Variants in NYAP2 observed in about 807,000 individuals in gnomAD.
NYAP2 encodes neuronal tyrosine-phosphorylated phosphoinositide-3-kinase adaptor 2, also known as neuronal tyrosine-phosphorylated phosphoinositide-3-kinase adapter 2.
A neutral mutation model predicts 50.4 loss-of-function variants in NYAP2; 23 were observed. That is an observed-to-expected ratio of 0.46 (90% confidence interval 0.33 to 0.65). NYAP2 has a LOEUF of 0.65. NYAP2 is among the 30% of genes least tolerant of loss of function. The pLI is 0.02. For synonymous variants in NYAP2, 394 were observed against 365.2 expected, an observed-to-expected ratio of 1.08 and a Z score of -0.90; for missense variants, 885 against 861.0, an observed-to-expected ratio of 1.03 and a Z score of -0.35.
chr2:225,538,611 G>A (rs972011533), intron 4 of NYAP2, among the ~76,000 whole-genome samples: 1 of 152,174 alleles, frequency 6.6e-6, no homozygotes, highest in African/African-American at 2.4e-5. Flanking sequence ...AGGCCTCTAG[G>A]CTTGTAATGG....
intron 5 of NYAP2, among the ~76,000 whole-genome samples, chr2:225,586,203 T>G (rs1396955440): frequency 6.6e-6 from 1 of 152,204 alleles, no homozygotes; most frequent in Non-Finnish European, 1.5e-5. Flanking sequence ...ATCTGTAAAA[T>G]GCACACCAAA....
At chr2:225,581,353 C>T (rs1230950348) in intron 4 of NYAP2, among the ~76,000 whole-genome samples, 1 of 152,218 alleles carries the variant, frequency 6.6e-6, no homozygotes, top group Non-Finnish European at 1.5e-5. Flanking sequence ...TGTCTAGCCT[C>T]ATAAGATTTT....
chr2:225,521,956 G>GT (rs1165726754), intron 4 of NYAP2, among the ~76,000 whole-genome samples: 2 of 152,122 alleles, frequency 1.3e-5, no homozygotes, highest in African/African-American at 2.4e-5. Flanking sequence ...TTCAGAGCCT[G>GT]TTATTGGTCT....
chr2:225,452,213 CT>C (rs1689665003), intron 3 of NYAP2, among the ~76,000 whole-genome samples: 1 of 152,300 alleles, frequency 6.6e-6, no homozygotes, highest in East Asian at 1.9e-4. Flanking sequence ...AGTCCTTTAA[CT>C]TCTTCATATC....
rs772438916 is a variant in NYAP2, at chr2:225,582,109, T to C, written c.692T>C (p.Met231Thr). 9.4e-5 allele frequency: 152 copies of C among 1,613,876 alleles called. No homozygotes were observed. Among genetic ancestry groups the C allele is most frequent in the Non-Finnish European group, 1.2e-4 (139 of 1,179,872 alleles). Residue 231 changes from methionine to threonine, a missense_variant, in exon 5 of 7, where the codon ATG becomes ACG. By Grantham distance (81) the Met-to-Thr change is moderately conservative. Transcript: ENST00000636099. This position sits in a 1 kb window ranked among gnomAD's most constrained non-coding sequence, Gnocchi z 7.0. ...CCGCGGGACTCCTCCTTGTCCCAGA[T>C]GGGCAGCCCCGCGGGAGACCCCGAG...
rs1179103521 is a variant in NYAP2, at chr2:225,582,182, C to A, written c.765C>A (p.Asp255Glu). Residue 255 changes from aspartate (D) to glutamate (E), a missense_variant, in exon 5 of 7, where the codon GAC (aspartate) becomes GAA (glutamate). Physicochemically the swap from Asp to Glu is conservative, Grantham distance 45. Transcript: ENST00000636099. The surrounding 1 kb of genome is among the most constrained non-coding windows in gnomAD (Gnocchi z 7.0). ...AGATGGTGGGGAACATTCTCAGAGA[C>A]TTCAGGAAGGAGGACGATGACCAGA... The A allele has an allele frequency of 6.2e-7, 1 of 1,614,044 alleles. No homozygotes were observed. The highest frequency in any genetic ancestry group is 1.7e-5 in the Admixed American group (1 of 60,030).
the NYAP2 span, among the ~76,000 whole-genome samples, chr2:225,695,740 T>C: frequency 3.3e-5 from 5 of 151,982 alleles, no homozygotes; most frequent in East Asian, 1.9e-4. Flanking sequence ...TGTAAGTCTT[T>C]TGAAAAATTT....
chr2:225,467,467 C>G (rs181967514), intron 3 of NYAP2, among the ~76,000 whole-genome samples: 2 of 152,244 alleles, frequency 1.3e-5, no homozygotes, highest in African/African-American at 4.8e-5. Context: ...CCTCTCCTGC[C>G]CTGTTCACGT....
chr2:225,498,539 A>G (rs1028818347), intron 3 of NYAP2, among the ~76,000 whole-genome samples: 1 of 151,470 alleles, frequency 6.6e-6, no homozygotes, highest in Non-Finnish European at 1.5e-5. Flanking sequence ...TTTTAAGAGG[A>G]GGATTGATGT....
intron 3 of NYAP2, among the ~76,000 whole-genome samples, chr2:225,479,085 G>A (rs1394719322): frequency 6.6e-6 from 1 of 152,178 alleles, no homozygotes; most frequent in African/African-American, 2.4e-5. Context: ...ATGTTCATAT[G>A]TGACTTGGGA....
intron 6 of NYAP2, among the ~76,000 whole-genome samples, chr2:225,641,044 T>C (rs1693520359): frequency 6.6e-6 from 1 of 152,166 alleles, no homozygotes; most frequent in Non-Finnish European, 1.5e-5. Context: ...AGATTAATTC[T>C]GCTTGAGAAC....
chr2:225,431,755 A>G lies in NYAP2; in HGVS notation c.221+22654A>G, dbSNP rs768463402. 3.9e-4 allele frequency among the ~76,000 whole-genome samples: 59 copies of G among 152,214 alleles called. 1 individual carries two copies. The highest frequency in any genetic ancestry group is 1.3e-4 in the Admixed American group (2 of 15,284). Reference sequence around the variant, plus strand: ...ACTCATTAGCAAAATGCATTTATGCATTAAGAAGTCCACTTATAAGGCAAG... The same window carrying G: ...ACTCATTAGCAAAATGCATTTATGCGTTAAGAAGTCCACTTATAAGGCAAG... On this transcript the variant is annotated intron_variant, in intron 3 of 6. Coordinates refer to ENST00000636099, the Ensembl canonical transcript of NYAP2.
At chr2:225,680,547 T>C in the NYAP2 span, among the ~76,000 whole-genome samples, 1 of 152,182 alleles carries the variant, frequency 6.6e-6, no homozygotes, top group Non-Finnish European at 1.5e-5. Context: ...CTTGTAAAGA[T>C]AGTCATTGCA....
the NYAP2 span, among the ~76,000 whole-genome samples, chr2:225,661,690 G>C: frequency 6.6e-6 from 1 of 151,322 alleles, no homozygotes; most frequent in South Asian, 2.1e-4. Flanking sequence ...ATGCATAGTT[G>C]CCTCATATAT....
At chr2:225,404,226 CT>C (rs932323011) in intron 2 of NYAP2, among the ~76,000 whole-genome samples, 12 of 151,800 alleles carry the variant, frequency 7.9e-5, no homozygotes, top group South Asian at 2.1e-4. Flanking sequence ...AAAAATGCTG[CT>C]TTTTTTTAAG....
chr2:225,510,419 A>T (rs1012096470), intron 3 of NYAP2, among the ~76,000 whole-genome samples: 3 of 152,236 alleles, frequency 2.0e-5, no homozygotes, highest in African/African-American at 7.2e-5. Context: ...TTCTACACCC[A>T]CAGAGATTCT....
At chr2:225,619,280 T>C (rs1693046179) in intron 5 of NYAP2, among the ~76,000 whole-genome samples, 1 of 152,232 alleles carries the variant, frequency 6.6e-6, no homozygotes, top group South Asian at 2.1e-4. Context: ...GAAGTTTGTC[T>C]GGCTCTGAAG....
chr2:225,486,191 G>A (rs553887951), intron 3 of NYAP2, among the ~76,000 whole-genome samples: 3 of 152,156 alleles, frequency 2.0e-5, no homozygotes, highest in Non-Finnish European at 4.4e-5. Flanking sequence ...TTTAGAACAA[G>A]TGTGAAAAAG....
At chr2:225,546,004 G>A (rs538025750) in intron 4 of NYAP2, among the ~76,000 whole-genome samples, 10 of 152,192 alleles carry the variant, frequency 6.6e-5, no homozygotes, top group Non-Finnish European at 1.3e-4. Context: ...CCCAGCTCTC[G>A]TTCTCTTTCC....
Sources: gnomAD v4.1 joint callset for allele counts (sites outside exome capture counted in the v4.1 genomes callset) on GRCh38, gnomAD v4.1.1 for gene constraint, Gnocchi (gnomAD v3.1) non-coding constraint, MANE v1.5 for transcripts, NCBI Gene and HGNC (gene_info 2026-07-23, HGNC 2026-07-21) for gene names.